The following COL13A1 variants were observed in gnomAD, a reference collection of about 807,000 sequenced individuals.
COL13A1 encodes the protein collagen type XIII alpha 1 chain, also known as collagen alpha-1(XIII) chain.
COL13A1 carries 89 observed loss-of-function variants against 130.9 expected under a neutral mutation model. That is an observed-to-expected ratio of 0.68 (90% CI 0.57 to 0.81). COL13A1 has a LOEUF of 0.81. COL13A1 is among the 30% of genes least tolerant of loss of function. The pLI is 0.00. For missense variants in COL13A1, 879 were observed against 934.6 expected (o/e 0.94, Z 0.78); for synonymous variants, 402 against 341.6 (o/e 1.18, Z -1.95).
rs751417791 is a variant in COL13A1, at chr10:69,917,360, G to A, written c.966+27G>A. On this transcript the variant is annotated intron_variant, in intron 18 of 40. Transcript: ENST00000645393. Reference sequence around the variant, plus strand: ...TACCTCCCCCTTCCCCACATCCCAGGCAGCCCCAAGGCCCCTCCCCCAGTG... The same window carrying A: ...TACCTCCCCCTTCCCCACATCCCAGACAGCCCCAAGGCCCCTCCCCCAGTG... 5.0e-6 allele frequency: 8 copies of A among 1,601,628 alleles called. No individual in the cohort carries two copies. The Admixed American group carries it at 1.0e-4, about 20-fold the overall frequency.
intron 14 of COL13A1, among the ~76,000 whole-genome samples, chr10:69,899,973 C>G (rs1483990373): frequency 6.6e-6 from 1 of 152,194 alleles, no homozygotes; most frequent in South Asian, 2.1e-4. Flanking sequence ...CTCCAATTAA[C>G]AGCTAAAAAT....
rs376168748 is a variant in COL13A1 at position 69,903,453 on chromosome 10, G to T, written c.858+598G>T. ...AGGCTGGACCACATTCAAGTGACAG[G>T]TCAAGCCCAGCGGCCGCCAAGTCAC... On this transcript the variant is annotated intron_variant, in intron 15 of 40. Transcript: ENST00000645393. Among the ~76,000 whole-genome samples, 8 of 152,316 alleles carry T rather than the reference G, an allele frequency of 5.3e-5. No homozygotes were observed. The South Asian group carries it at 1.7e-3, about 32-fold the overall frequency.
chr10:69,957,419 T>C (rs1261867581), intron 40 of COL13A1, among the ~76,000 whole-genome samples: 1 of 152,184 alleles, frequency 6.6e-6, no homozygotes, highest in African/African-American at 2.4e-5. Flanking sequence ...ACGTAGGACA[T>C]CTCAGTTGCT....
chr10:69,812,934 C>T lies in COL13A1; in HGVS notation c.295-9435C>T, dbSNP rs972231275. Among the ~76,000 whole-genome samples the T allele has an allele frequency of 5.9e-5, 9 of 152,318 alleles. No homozygotes were observed. The South Asian group carries it at 1.7e-3, about 28-fold the overall frequency. On this transcript the variant is annotated intron_variant, in intron 1 of 40. Transcript: ENST00000645393. ...TGCCATGAGCCAGACTAGTCCATGC[C>T]CCGGCTGGCTCTCAGCTCCTTGCCC...
intron 13 of COL13A1, among the ~76,000 whole-genome samples, 154 bp from the exon 14 acceptor site, chr10:69,898,543 C>T (rs2061881525): frequency 6.6e-6 from 1 of 152,246 alleles, no homozygotes; most frequent in Non-Finnish European, 1.5e-5. Flanking sequence ...CTCCTTCCCT[C>T]CCACTCCTCA....
intron 36 of COL13A1, among the ~76,000 whole-genome samples, chr10:69,944,959 G>A (rs1488897101): frequency 4.6e-5 from 7 of 152,354 alleles, no homozygotes; most frequent in South Asian, 2.1e-4. Flanking sequence ...GGTCGCTGTC[G>A]ATGGACGTTG....
At chr10:69,886,128 G>T (rs2060577140) in intron 7 of COL13A1, among the ~76,000 whole-genome samples, 1 of 152,162 alleles carries the variant, frequency 6.6e-6, no homozygotes, top group African/African-American at 2.4e-5. Flanking sequence ...ACTGCTGCTT[G>T]ACAAGGACAA....
chr10:69,805,542 T>C (rs1203869550), intron 1 of COL13A1, among the ~76,000 whole-genome samples: 6 of 152,216 alleles, frequency 3.9e-5, no homozygotes, highest in Non-Finnish European at 1.5e-5. Flanking sequence ...TTAAATAAAA[T>C]TTAAATTTTA....
In COL13A1 at chr10:69,897,219, A is replaced by G. The variant is rs141549935; in HGVS notation, c.685-1478A>G. On this transcript the variant is annotated intron_variant, in intron 13 of 40. Transcript: ENST00000645393. The stretch of plus-strand genomic sequence containing the variant: ...GGGATTCCAGCTGAGGGGCAGACCA[A>G]GTTTATTTAGAAGAGGGTAGAAAAT... 2.2e-3 allele frequency among the ~76,000 whole-genome samples: 340 copies of G among 152,234 alleles called. 2 individuals carry two copies. The highest frequency in any genetic ancestry group is 7.5e-3 in the African/African-American group (313 of 41,532).
chr10:69,812,936 C>T lies in COL13A1; in HGVS notation c.295-9433C>T, dbSNP rs180810440. Among the ~76,000 whole-genome samples the T allele has an allele frequency of 2.0e-5, 3 of 152,298 alleles. No homozygotes were observed. The East Asian group carries it at 5.8e-4, about 29-fold the overall frequency. On this transcript the variant is annotated intron_variant, in intron 1 of 40. Transcript: ENST00000645393. Reference sequence around the variant, plus strand: ...CCATGAGCCAGACTAGTCCATGCCCCGGCTGGCTCTCAGCTCCTTGCCCCT... The same window carrying T: ...CCATGAGCCAGACTAGTCCATGCCCTGGCTGGCTCTCAGCTCCTTGCCCCT...
chr10:69,851,639 G>GT (rs140432374), intron 2 of COL13A1, among the ~76,000 whole-genome samples: 14 of 152,016 alleles, frequency 9.2e-5, no homozygotes, highest in Non-Finnish European at 1.5e-5. Flanking sequence ...TTTTATTGTG[G>GT]TTTTTTGTTT....
intron 24 of COL13A1, among the ~76,000 whole-genome samples, chr10:69,924,244 T>A (rs2065058610): frequency 6.6e-6 from 1 of 152,234 alleles, no homozygotes; most frequent in South Asian, 2.1e-4. Context: ...CCACGTCCCG[T>A]GAGCAGGTTC....
At chr10:69,930,019 C>T in intron 28 of COL13A1, 24 bp from the exon 29 acceptor site, 1 of 1,612,356 alleles carries the variant, frequency 6.2e-7, no homozygotes, top group South Asian at 1.1e-5. Flanking sequence ...CCCTGAGAGT[C>T]ACCTTTAGTT....
chr10:69,928,624 A>T (rs2065687596), intron 27 of COL13A1, among the ~76,000 whole-genome samples: 1 of 152,142 alleles, frequency 6.6e-6, no homozygotes, highest in African/African-American at 2.4e-5. Context: ...TTTTTAAGTC[A>T]TTATTGGGGA....
Position 69,902,758 on chromosome 10 carries a change from G to A in COL13A1, c.761G>A (p.Ser254Asn), listed in dbSNP as rs1442792482. The A allele has an allele frequency of 1.3e-6, 2 of 1,552,856 alleles. No homozygotes were observed. Among genetic ancestry groups the A allele is most frequent in the Admixed American group, 3.9e-5 (2 of 50,950 alleles). The stretch of plus-strand genomic sequence containing the variant: ...TTCCATGAACCTCAGGGCGAACAGA[G>A]CCAGGCCAGCATCCAAGGTCCACCA... ...IKRRTFQGEQ[S>N]QASIQGPPGP... The change falls in exon 15 of 41, where the codon AGC (serine) becomes AAC (asparagine). Residue 254 changes from serine (S) to asparagine (N), a missense_variant. This residue lies in a region of COL13A1 where 715 missense variants were observed against 721.0 expected (regional missense o/e 0.99). Transcript: ENST00000645393.
intron 5 of COL13A1, among the ~76,000 whole-genome samples, chr10:69,877,008 G>T (rs1374863797): frequency 6.6e-6 from 1 of 152,180 alleles, no homozygotes; most frequent in Non-Finnish European, 1.5e-5. Context: ...CCCTCCCATA[G>T]CAGTGGGGGT....
intron 5 of COL13A1, among the ~76,000 whole-genome samples, chr10:69,876,495 G>A (rs2059582984): frequency 6.6e-6 from 1 of 152,182 alleles, no homozygotes; most frequent in African/African-American, 2.4e-5. Context: ...GTCTATGGAG[G>A]CATGCAGGCT....
chr10:69,925,118 G>T (rs2065181619), intron 25 of COL13A1, 111 bp downstream of exon 25: 1 of 1,137,004 alleles, frequency 8.8e-7, no homozygotes, highest in African/African-American at 1.6e-5. Context: ...AAGGTTAAGG[G>T]CACGTGCCCA....
chr10:69,932,962 C>A (rs1252847433), intron 31 of COL13A1, among the ~76,000 whole-genome samples: 1 of 151,740 alleles, frequency 6.6e-6, no homozygotes, highest in East Asian at 1.9e-4. Context: ...TATGGTGAAA[C>A]CCCATCTCTA....
Sources: allele counts gnomAD v4.1 joint callset (sites outside exome capture counted in the v4.1 genomes callset), GRCh38; gene constraint gnomAD v4.1.1; regional missense constraint gnomAD v4.1.1; transcripts MANE v1.5; gene names NCBI Gene and HGNC (gene_info 2026-07-23, HGNC 2026-07-21).